The following NBEA variants were observed in gnomAD, a reference collection of about 807,000 sequenced individuals.
NBEA encodes lysosomal-trafficking regulator 2.
A neutral mutation model predicts 343.4 loss-of-function variants in NBEA; 44 were observed. The observed-to-expected ratio is 0.13, with a 90% CI of 0.10 to 0.16. The LOEUF (loss-of-function observed/expected upper bound fraction) is 0.16. NBEA is among the 10% of genes least tolerant of loss of function. The probability of loss-of-function intolerance (pLI) is 1.00; values close to 1 mark genes in which losing one functional copy is unlikely to be tolerated. For synonymous variants in NBEA, 1,175 were observed against 1,238.7 expected (o/e 0.95, Z 1.08); for missense variants, 2,555 against 3,631.3 (o/e 0.70, Z 7.62).
chr13:35,094,421 G>A (rs1019049972), intron 10 of NBEA, among the ~76,000 whole-genome samples: 1 of 151,950 alleles, frequency 6.6e-6, no homozygotes, highest in East Asian at 1.9e-4. Context: ...TGCATTTACC[G>A]CCTATGTAGG....
At chr13:35,102,110 T>C (rs1314748241) in intron 11 of NBEA, among the ~76,000 whole-genome samples, 2 of 151,768 alleles carry the variant, frequency 1.3e-5, no homozygotes, top group Non-Finnish European at 3.0e-5. Context: ...ATAATCTATC[T>C]AGAATTGAAT....
intron 50 of NBEA, 126 bp from the exon 51 acceptor site, chr13:35,646,133 G>T: frequency 1.3e-6 from 1 of 764,508 alleles, no homozygotes; most frequent in Non-Finnish European, 2.2e-6. Context: ...TGAGAAAAGA[G>T]CACCCGTTGA....
chr13:35,225,655 C>T (rs1296907392), intron 33 of NBEA, among the ~76,000 whole-genome samples: 1 of 152,124 alleles, frequency 6.6e-6, no homozygotes, highest in Non-Finnish European at 1.5e-5. Flanking sequence ...TTATAGTTCA[C>T]ACATGGACTT....
chr13:35,336,527 A>G (rs1343229296), intron 36 of NBEA, among the ~76,000 whole-genome samples: 2 of 152,162 alleles, frequency 1.3e-5, no homozygotes, highest in Non-Finnish European at 2.9e-5. Flanking sequence ...TACTGGGTAT[A>G]TACCCAAAGG....
chr13:35,353,035 A>C (rs2040276058), intron 38 of NBEA, among the ~76,000 whole-genome samples: 1 of 152,094 alleles, frequency 6.6e-6, no homozygotes, highest in Admixed American at 6.6e-5. Context: ...TTTTGACCCC[A>C]CTAAATGTTT....
At chr13:35,197,625 C>T (rs2072715153) in intron 31 of NBEA, among the ~76,000 whole-genome samples, 1 of 151,998 alleles carries the variant, frequency 6.6e-6, no homozygotes, top group African/African-American at 2.4e-5. Flanking sequence ...TCAAGCAATT[C>T]TCTCCTCAGC....
At chr13:34,967,605 T>C (rs2059864571) in intron 1 of NBEA, among the ~76,000 whole-genome samples, 1 of 152,032 alleles carries the variant, frequency 6.6e-6, no homozygotes, top group Non-Finnish European at 1.5e-5. Context: ...GTTAGAGATA[T>C]GGACCAAAAA....
chr13:34,997,263 T>C (rs1023056391), intron 1 of NBEA, among the ~76,000 whole-genome samples: 6 of 152,194 alleles, frequency 3.9e-5, no homozygotes, highest in Non-Finnish European at 8.8e-5. Flanking sequence ...TGTGATACTT[T>C]TTGAAATATT....
intron 34 of NBEA, among the ~76,000 whole-genome samples, chr13:35,244,605 T>G (rs540778256): frequency 6.6e-6 from 1 of 152,230 alleles, no homozygotes; most frequent in South Asian, 2.1e-4. Context: ...GGGCTCTTTT[T>G]TGGTTCCATA....
At chr13:34,960,858 G>A (rs2059639742) in intron 1 of NBEA, among the ~76,000 whole-genome samples, 2 of 152,050 alleles carry the variant, frequency 1.3e-5, no homozygotes, top group Non-Finnish European at 2.9e-5. Context: ...ATGAATGACT[G>A]TATTTTATCC....
rs976588477 is a variant in NBEA, at chr13:35,311,834, A to G, written c.5903+2242A>G. ...GTGCCATTGCACTTCAGCCTGGGCGATGAGAGCGAGACTTCGTCCCCCCAC... is the reference window on the plus strand; with the variant it reads ...GTGCCATTGCACTTCAGCCTGGGCGGTGAGAGCGAGACTTCGTCCCCCCAC... On this transcript the variant is annotated intron_variant, in intron 36 of 58. Transcript: ENST00000379939. 5.9e-5 allele frequency among the ~76,000 whole-genome samples: 9 copies of G among 152,276 alleles called. No homozygotes were observed. In the East Asian group the frequency reaches 1.7e-3, roughly 29 times the overall value.
intron 49 of NBEA, among the ~76,000 whole-genome samples, chr13:35,642,793 C>G (rs1186658937): frequency 1.3e-5 from 2 of 151,944 alleles, no homozygotes; most frequent in African/African-American, 4.8e-5. Flanking sequence ...AAATAGAAAC[C>G]ATGTCTGTGA....
chr13:35,210,433 G>C (rs2073693159), intron 32 of NBEA, among the ~76,000 whole-genome samples: 1 of 152,078 alleles, frequency 6.6e-6, no homozygotes, highest in Non-Finnish European at 1.5e-5. Flanking sequence ...ATTAGTATAA[G>C]ATAATAATAT....
intron 40 of NBEA, among the ~76,000 whole-genome samples, chr13:35,467,198 G>T (rs1434965483): frequency 2.0e-5 from 3 of 152,188 alleles, no homozygotes; most frequent in Non-Finnish European, 4.4e-5. Flanking sequence ...CTATGGCCAG[G>T]TGCGGTGGCT....
At chr13:35,494,556 T>A in intron 41 of NBEA, among the ~76,000 whole-genome samples, 1 of 151,304 alleles carries the variant, frequency 6.6e-6, no homozygotes, top group African/African-American at 2.4e-5. Flanking sequence ...AATAACTAAA[T>A]AGATGTAGTT....
chr13:35,233,492 C>G (rs529235200), intron 34 of NBEA, among the ~76,000 whole-genome samples: 73 of 152,184 alleles, frequency 4.8e-4, no homozygotes, highest in Middle Eastern at 6.8e-3. Context: ...GCTTTGTGGC[C>G]TTTGTGAATT....
At chr13:35,270,487 G>A (rs1403704406) in intron 34 of NBEA, among the ~76,000 whole-genome samples, 2 of 152,230 alleles carry the variant, frequency 1.3e-5, no homozygotes, top group South Asian at 2.1e-4. Context: ...TGGACAGTGG[G>A]TGCAGCCCAT....
In NBEA at chr13:35,671,573, A is replaced by AT. The variant is rs2085617621; in HGVS notation, c.*582_*583insT. The AT allele has an allele frequency of 6.5e-6, 1 of 152,746 alleles. No homozygotes were observed. The highest frequency in any genetic ancestry group is 2.1e-4 in the South Asian group (1 of 4,828). 9.5% of individuals were successfully genotyped at this position (152,746 alleles called of 1,614,324 possible). A position where few individuals can be genotyped will look rare whatever the true frequency, so the allele number is the denominator to read the frequency against. Reference sequence around the variant, plus strand: ...GGAACAGGTGCATTCACACTATGAAACAGAAAGATCTGTCCAAGGACACAG... The same window carrying AT: ...GGAACAGGTGCATTCACACTATGAAATCAGAAAGATCTGTCCAAGGACACAG... On this transcript the variant is annotated 3_prime_UTR_variant, in exon 59 of 59. Coordinates refer to ENST00000379939, the MANE Select transcript of NBEA (RefSeq NM_001385012.1).
At chr13:35,208,972 A>G in intron 32 of NBEA, 118 bp downstream of exon 32, 1 of 850,146 alleles carries the variant, frequency 1.2e-6, no homozygotes, top group Non-Finnish European at 1.7e-6. Flanking sequence ...CTTAATTTTT[A>G]AGAAGGTTAT....
Sources: gnomAD v4.1 joint callset for allele counts (sites outside exome capture counted in the v4.1 genomes callset) on GRCh38, gnomAD v4.1.1 for gene constraint, MANE v1.5 for transcripts, NCBI Gene and HGNC (gene_info 2026-07-23, HGNC 2026-07-21) for gene names.